SLC39A12: variants seen among roughly 807,000 people sequenced by gnomAD.
SLC39A12 encodes the protein solute carrier family 39 member 12, also known as zinc transporter ZIP12.
A neutral mutation model predicts 71.1 loss-of-function variants in SLC39A12; 63 were observed. The observed-to-expected ratio is 0.89, with a 90% CI of 0.72 to 1.09. SLC39A12 has a LOEUF of 1.09. SLC39A12 is among the 50% of genes least tolerant of loss of function. The pLI is 0.00. For synonymous variants in SLC39A12, 351 were observed against 301.3 expected (o/e 1.16, Z -1.71); for missense variants, 892 against 812.6 (o/e 1.10, Z -1.19).
chr10:17,964,184 G>A (rs1834764459), intron 3 of SLC39A12, among the ~76,000 whole-genome samples: 1 of 152,182 alleles, frequency 6.6e-6, no homozygotes, highest in South Asian at 2.1e-4. Context: ...TTGTTTCACA[G>A]CCTGCACGAA....
At chr10:17,961,423 G>A (rs1834685604) in intron 2 of SLC39A12, among the ~76,000 whole-genome samples, 158 bp from the exon 3 acceptor site, 1 of 152,184 alleles carries the variant, frequency 6.6e-6, no homozygotes, top group South Asian at 2.1e-4. Context: ...TCATTGTTAT[G>A]CGGGAGTCCA....
chr10:17,966,938 C>G (rs114890407), intron 4 of SLC39A12, among the ~76,000 whole-genome samples: 3 of 151,748 alleles, frequency 2.0e-5, no homozygotes, highest in Non-Finnish European at 4.4e-5. Flanking sequence ...TGCGCCACTG[C>G]ACTCCACCTT....
chr10:17,988,810 C>T (rs1187533010), intron 7 of SLC39A12, among the ~76,000 whole-genome samples: 1 of 152,222 alleles, frequency 6.6e-6, no homozygotes, highest in Non-Finnish European at 1.5e-5. Flanking sequence ...GGACAGCTTC[C>T]CCACAGCTCC....
chr10:18,032,888 T>G (rs1353277332), intron 12 of SLC39A12, among the ~76,000 whole-genome samples: 1 of 126,030 alleles, frequency 7.9e-6, no homozygotes, highest in East Asian at 2.6e-4. Flanking sequence ...AAAGGCTTTT[T>G]CTGCATCTAT....
chr10:17,985,679 A>G (rs963129039), intron 6 of SLC39A12, among the ~76,000 whole-genome samples: 22 of 152,188 alleles, frequency 1.4e-4, no homozygotes, highest in Non-Finnish European at 2.9e-4. Context: ...AAATGATGCC[A>G]TAGATAACTC....
chr10:17,988,084 G>C (rs1167521840), intron 7 of SLC39A12, among the ~76,000 whole-genome samples: 1 of 152,180 alleles, frequency 6.6e-6, no homozygotes, highest in Non-Finnish European at 1.5e-5. Flanking sequence ...AAGGCAGGTG[G>C]ATTACTTGAG....
chr10:17,953,566 CA>C, intron 2 of SLC39A12, 29 bp downstream of exon 2: 1 of 1,608,452 alleles, frequency 6.2e-7, no homozygotes, highest in Non-Finnish European at 8.5e-7. Flanking sequence ...GGTCAGGTAT[CA>C]GGGCATGTCC....
chr10:18,036,672 C>T (rs1426948385), intron 12 of SLC39A12, among the ~76,000 whole-genome samples: 3 of 150,206 alleles, frequency 2.0e-5, no homozygotes, highest in African/African-American at 7.4e-5. Flanking sequence ...TTGGCTCCTC[C>T]CCCGTGATAT....
At chr10:17,958,920 G>T (rs74647080) in intron 2 of SLC39A12, among the ~76,000 whole-genome samples, 1 of 151,866 alleles carries the variant, frequency 6.6e-6, no homozygotes, top group Non-Finnish European at 1.5e-5. Context: ...TAATAATATA[G>T]GGTTCTTATT....
At chr10:18,033,900 C>T (rs1836923545) in intron 12 of SLC39A12, among the ~76,000 whole-genome samples, 1 of 151,822 alleles carries the variant, frequency 6.6e-6, no homozygotes, top group South Asian at 2.1e-4. Context: ...GCCTTCATTT[C>T]GTTATGTACC....
chr10:17,952,363 A>C (rs540452545), intron 1 of SLC39A12, among the ~76,000 whole-genome samples: 318 of 152,182 alleles, frequency 2.1e-3, no homozygotes, highest in African/African-American at 7.2e-3. Flanking sequence ...TGTTTTTCTA[A>C]GATGCTTCCT....
intron 12 of SLC39A12, among the ~76,000 whole-genome samples, chr10:18,011,384 C>T (rs1836217696): frequency 6.6e-6 from 1 of 152,212 alleles, no homozygotes; most frequent in South Asian, 2.1e-4. Context: ...CCACTGCACT[C>T]ATCCCCCTTA....
chr10:17,984,499 A>G (rs2437265), intron 6 of SLC39A12, among the ~76,000 whole-genome samples: 103,739 of 152,066 alleles, frequency 0.68, 35,835 homozygotes, highest in African/African-American at 0.78. Context: ...AATTTTATTA[A>G]ACATCCAGGT....
At chr10:18,038,018 C>CAAAA (rs763211521) in intron 12 of SLC39A12, among the ~76,000 whole-genome samples, 150 of 14,972 alleles carry the variant, frequency 0.01, 55 homozygotes, top group Non-Finnish European at 0.012. Context: ...GCCTCCATCT[C>CAAAA]AAAAAAAAAA....
At chr10:17,956,192 G>A (rs1834543802) in intron 2 of SLC39A12, among the ~76,000 whole-genome samples, 3 of 152,116 alleles carry the variant, frequency 2.0e-5, no homozygotes, top group African/African-American at 7.2e-5. Context: ...TCTCTGCAAG[G>A]ATCACATGGA....
chr10:17,963,852 C>T (rs1554848682), intron 3 of SLC39A12, among the ~76,000 whole-genome samples: 1 of 152,160 alleles, frequency 6.6e-6, no homozygotes, highest in Non-Finnish European at 1.5e-5. Context: ...AACAAGATCC[C>T]CAAGAGAATC....
intron 4 of SLC39A12, among the ~76,000 whole-genome samples, chr10:17,967,926 T>G (rs979578640): frequency 2.1e-4 from 31 of 149,306 alleles, no homozygotes; most frequent in Non-Finnish European, 3.4e-4. Flanking sequence ...TATTTATTTA[T>G]TTATTTCCCT....
chr10:18,010,235 G>A (rs939061381), intron 12 of SLC39A12, among the ~76,000 whole-genome samples: 1 of 152,174 alleles, frequency 6.6e-6, no homozygotes, highest in Non-Finnish European at 1.5e-5. Context: ...CAAAAGATGA[G>A]TAAGTCTTCC....
intron 6 of SLC39A12, among the ~76,000 whole-genome samples, chr10:17,983,088 T>A (rs747646218): frequency 7.4e-6 from 1 of 135,566 alleles, no homozygotes; most frequent in Non-Finnish European, 1.5e-5. Flanking sequence ...TAGTCCCAGC[T>A]ACTTGGGAGA....
Sources: allele counts gnomAD v4.1 joint callset (sites outside exome capture counted in the v4.1 genomes callset), GRCh38; gene constraint gnomAD v4.1.1; transcripts MANE v1.5; gene names NCBI Gene and HGNC (gene_info 2026-07-23, HGNC 2026-07-21).